Variants in PCGF5 observed in about 807,000 individuals in gnomAD.
The protein encoded by PCGF5 is polycomb group ring finger 5.
In PCGF5, 9 loss-of-function variants were observed where a neutral mutation model predicts 44.3. The ratio of observed to expected loss-of-function variants is 0.20; its 90% CI spans 0.12 to 0.35. The LOEUF (loss-of-function observed/expected upper bound fraction) is 0.35, where lower values mean the gene tolerates loss of function less well. PCGF5 is among the 10% of genes least tolerant of loss of function. The pLI is 1.00. For synonymous variants in PCGF5, 95 were observed against 102.5 expected (o/e 0.93, Z 0.44); for missense variants, 146 against 305.3 (o/e 0.48, Z 3.89).
intron 1 of PCGF5, among the ~76,000 whole-genome samples, chr10:91,215,097 C>A (rs1844518540): frequency 6.6e-6 from 1 of 152,322 alleles, no homozygotes; most frequent in East Asian, 1.9e-4. Context: ...TAATAAGCAT[C>A]ACCCTCCTAA....
At chr10:91,187,685 A>G (rs368015202) in intron 1 of PCGF5, among the ~76,000 whole-genome samples, 6 of 152,312 alleles carry the variant, frequency 3.9e-5, no homozygotes, top group African/African-American at 7.2e-5. Context: ...CACAACTTCA[A>G]TGCTTCATGT....
At chr10:91,264,908 T>C (rs1846010985) in intron 8 of PCGF5, among the ~76,000 whole-genome samples, 1 of 152,150 alleles carries the variant, frequency 6.6e-6, no homozygotes, top group South Asian at 2.1e-4. Flanking sequence ...TATTTTTGGT[T>C]GTGGTAGAGG....
intron 1 of PCGF5, among the ~76,000 whole-genome samples, chr10:91,213,155 C>T (rs1191983602): frequency 1.3e-5 from 2 of 152,160 alleles, no homozygotes; most frequent in Non-Finnish European, 2.9e-5. Context: ...TTGTTTAGCA[C>T]TCCAAATATA....
intron 1 of PCGF5, among the ~76,000 whole-genome samples, chr10:91,184,525 T>C (rs1436695792): frequency 6.6e-6 from 1 of 152,150 alleles, no homozygotes; most frequent in Admixed American, 6.5e-5. Context: ...GAAAGTTTGG[T>C]TTTATCCATA....
chr10:91,264,214 A>G (rs1484833793), intron 7 of PCGF5, among the ~76,000 whole-genome samples: 1 of 152,206 alleles, frequency 6.6e-6, no homozygotes, highest in Non-Finnish European at 1.5e-5. Flanking sequence ...ATGGGACAAG[A>G]TAAACAGTAT....
At chr10:91,168,436 G>A (rs1046382067) in intron 1 of PCGF5, among the ~76,000 whole-genome samples, 1 of 152,174 alleles carries the variant, frequency 6.6e-6, no homozygotes, top group Non-Finnish European at 1.5e-5. Flanking sequence ...TGAGACCATC[G>A]TCAGTAGCCT....
intron 5 of PCGF5, among the ~76,000 whole-genome samples, chr10:91,249,412 T>TATAC (rs1845565521): frequency 2.5e-5 from 2 of 81,528 alleles, no homozygotes; most frequent in Admixed American, 1.5e-4. Context: ...TATATATATA[T>TATAC]ATATATATGT....
chr10:91,279,760 A>G lies in PCGF5; in HGVS notation c.*1444A>G, dbSNP rs117714148. The G allele has an allele frequency of 6.6e-6, 1 of 152,256 alleles. No individual in the cohort carries two copies. The highest frequency in any genetic ancestry group is 1.5e-5 in the Non-Finnish European group (1 of 67,958). The allele number at this position is 152,256 out of a possible 1,614,324, so 9.4% of individuals were successfully genotyped here. A position where few individuals can be genotyped will look rare whatever the true frequency, so the allele number is the denominator to read the frequency against. ...ATATGACGAGCACAATCTGTGTGTT[A>G]CACACATTTAGTTTTTATACTGCAT... On this transcript the variant is annotated 3_prime_UTR_variant, in exon 10 of 10. Coordinates refer to ENST00000336126, the MANE Select transcript of PCGF5 (RefSeq NM_032373.5).
intron 2 of PCGF5, among the ~76,000 whole-genome samples, chr10:91,239,978 C>A (rs899273318): frequency 1.3e-5 from 2 of 152,126 alleles, no homozygotes; most frequent in Non-Finnish European, 2.9e-5. Context: ...CTCATTACAC[C>A]CTGCCAAGGC....
In PCGF5 at chr10:91,282,498, C is replaced by T. The variant is rs761383467; in HGVS notation, c.*4182C>T. On this transcript the variant is annotated 3_prime_UTR_variant, in exon 10 of 10. Coordinates refer to ENST00000336126, the MANE Select transcript of PCGF5 (RefSeq NM_032373.5). ...GTCTCCATCTCCAAAAAAAATTCAA[C>T]TCTTGGTCTTGTTTCTCAGCACTTA... 1 of 152,628 alleles carries T rather than the reference C, an allele frequency of 6.6e-6. No homozygotes were observed. The highest frequency in any genetic ancestry group is 1.5e-5 in the Non-Finnish European group (1 of 68,056). The allele number at this position is 152,628 out of a possible 1,614,324, so 9.5% of individuals were successfully genotyped here. A position where few individuals can be genotyped will look rare whatever the true frequency, so the allele number is the denominator to read the frequency against.
In PCGF5 at chr10:91,281,387, A is replaced by G. The variant is rs1394529101; in HGVS notation, c.*3071A>G. Reference sequence around the variant, plus strand: ...CTAAATTTAAACTGATTATTTAAGGAAAAAAAGTGTGTTATATAATATTGT... The same window carrying G: ...CTAAATTTAAACTGATTATTTAAGGGAAAAAAGTGTGTTATATAATATTGT... On this transcript the variant is annotated 3_prime_UTR_variant, in exon 10 of 10. Coordinates refer to ENST00000336126, the MANE Select transcript of PCGF5 (RefSeq NM_032373.5). 2 of 152,442 alleles carry G rather than the reference A, an allele frequency of 1.3e-5. No individual in the cohort carries two copies. Among genetic ancestry groups the G allele is most frequent in the East Asian group, 3.9e-4 (2 of 5,150 alleles). The allele number at this position is 152,442 out of a possible 1,614,324, so 9.4% of individuals were successfully genotyped here.
chr10:91,198,555 C>G (rs1003757063), intron 1 of PCGF5, among the ~76,000 whole-genome samples: 3 of 152,192 alleles, frequency 2.0e-5, no homozygotes, highest in Non-Finnish European at 2.9e-5. Flanking sequence ...ATTGGCAAAG[C>G]AGCATCACTG....
At chr10:91,255,643 A>G (rs1845729706) in intron 6 of PCGF5, among the ~76,000 whole-genome samples, 1 of 152,144 alleles carries the variant, frequency 6.6e-6, no homozygotes, top group African/African-American at 2.4e-5. Context: ...GGTAAAGAAT[A>G]CAGACTTTAT....
At position 91,238,601 on chromosome 10, in the gene PCGF5, C is replaced by CTTTTTTTTTT. The variant is rs71487496; in HGVS notation, c.113-1862_113-1853dup. 6.5e-3 allele frequency among the ~76,000 whole-genome samples: 378 copies of CTTTTTTTTTT among 58,510 alleles called. 3 individuals are homozygous for CTTTTTTTTTT. Among genetic ancestry groups the CTTTTTTTTTT allele is most frequent in the Non-Finnish European group, 8.8e-3 (290 of 32,782 alleles). The allele number at this position is 58,510 out of a possible 152,430, so 38.4% of individuals were successfully genotyped here. On this transcript the variant is annotated intron_variant, in intron 2 of 9. Coordinates refer to ENST00000336126, the MANE Select transcript of PCGF5 (RefSeq NM_032373.5). ...CTCTCATTTCTTTCTTTCTTTCTTT[C>CTTTTTTTTTT]TTTTTTTTTTTTTTTTTTTTTTTTT...
chr10:91,248,569 C>T lies in PCGF5; in HGVS notation c.265+9C>T. ...CCCTGGACTACGAGAACGTAAGTGG[C>T]TCTTTAGGTTCTTGCAGACTTTTGT... On this transcript the variant is annotated intron_variant, in intron 4 of 9. Coordinates refer to ENST00000336126, the MANE Select transcript of PCGF5 (RefSeq NM_032373.5). 1 of 1,612,228 alleles carries T rather than the reference C, an allele frequency of 6.2e-7. No homozygotes were observed. Among genetic ancestry groups the T allele is most frequent in the Non-Finnish European group, 8.5e-7 (1 of 1,178,642 alleles).
chr10:91,224,187 G>T (rs1289510567), intron 2 of PCGF5, among the ~76,000 whole-genome samples: 1 of 152,138 alleles, frequency 6.6e-6, no homozygotes, highest in East Asian at 1.9e-4. Context: ...AGATAAAGTG[G>T]GTCTTGTGGT....
chr10:91,231,988 C>A (rs1369313119), intron 2 of PCGF5, among the ~76,000 whole-genome samples: 1 of 152,022 alleles, frequency 6.6e-6, no homozygotes, highest in African/African-American at 2.4e-5. Flanking sequence ...ACTTATGACT[C>A]CTGGAATGAT....
intron 1 of PCGF5, among the ~76,000 whole-genome samples, chr10:91,180,689 A>C (rs1015860614): frequency 6.6e-6 from 1 of 152,098 alleles, no homozygotes; most frequent in African/African-American, 2.4e-5. Context: ...TGGGTTCTCT[A>C]TTATGTTCCA....
At chr10:91,257,493 A>T (rs755017221) in intron 6 of PCGF5, among the ~76,000 whole-genome samples, 11 of 152,032 alleles carry the variant, frequency 7.2e-5, no homozygotes, top group African/African-American at 2.4e-4. Context: ...CAAGACCCCC[A>T]GGGGATGTTG....
Sources: gnomAD v4.1 joint callset for allele counts (sites outside exome capture counted in the v4.1 genomes callset) on GRCh38, gnomAD v4.1.1 for gene constraint, MANE v1.5 for transcripts, NCBI Gene and HGNC (gene_info 2026-07-23, HGNC 2026-07-21) for gene names.